Variants in HERC3 observed in about 807,000 individuals in gnomAD.
HERC3 encodes the protein probable E3 ubiquitin-protein ligase HERC3.
Under a neutral mutation model 129.9 loss-of-function variants are expected in HERC3, and 58 were observed. That is an observed-to-expected ratio of 0.45 (90% CI 0.36 to 0.56). The LOEUF (loss-of-function observed/expected upper bound fraction) is 0.56, where lower values mean the gene tolerates loss of function less well. Among genes scored for constraint, HERC3 ranks in the 20% least tolerant of loss-of-function variants. The pLI, the probability that HERC3 is intolerant of heterozygous loss-of-function variation, is 0.00. For missense variants in HERC3, 835 were observed against 1,244.2 expected (o/e 0.67, Z 4.95); for synonymous variants, 430 against 451.0 (o/e 0.95, Z 0.59).
In HERC3 at chr4:88,667,995, T is replaced by C; in HGVS notation, c.1547T>C (p.Leu516Pro). 6.2e-7 allele frequency: 1 copy of C among 1,613,000 alleles called. No homozygotes were observed. ...IYLILPEFPL[L>P]QDSKYYITLT... ...TTAATACTACCTGAGTTTCCCCTACTCCAGGATTCCAAGTATTATATAACA... is the reference window on the plus strand; with the variant it reads ...TTAATACTACCTGAGTTTCCCCTACCCCAGGATTCCAAGTATTATATAACA... The change falls in exon 14 of 26, where the codon CTC becomes CCC. Residue 516 changes from leucine (L) to proline (P), a missense_variant. Transcript: ENST00000402738.
At chr4:88,696,914 C>T (rs1734657023) in intron 23 of HERC3, 1 of 348,164 alleles carries the variant, frequency 2.9e-6, no homozygotes, top group East Asian at 4.6e-5. Context: ...TGCTAACACC[C>T]TTTGTAAACC....
In HERC3 at chr4:88,696,954, A is replaced by G. The variant is rs534835022; in HGVS notation, c.2658-7144A>G. On this transcript the variant is annotated intron_variant, in intron 23 of 25. Transcript: ENST00000402738. ...TCCTCAGAGAAGAGACCATGAAAAC[A>G]TAATTTTGGGTTTAATTCAGTTTTC... The G allele has an allele frequency of 1.2e-4, 48 of 413,512 alleles. No individual in the cohort carries two copies. The Middle Eastern group carries it at 1.8e-3, about 15-fold the overall frequency. 25.6% of individuals were successfully genotyped at this position (413,512 alleles called of 1,614,324 possible).
At chr4:88,578,805 A>G in the HERC3 span, among the ~76,000 whole-genome samples, 1 of 152,170 alleles carries the variant, frequency 6.6e-6, no homozygotes, top group Non-Finnish European at 1.5e-5. Flanking sequence ...GAGGCATGGG[A>G]AACGGAAATG....
rs1729453928 is a variant in HERC3, at chr4:88,652,954, G to A, written c.549G>A (p.Arg183=). The part of the protein sequence containing the change: ...KEFPSQASPQ[R]VRSLEGIPLA... ...TCCCCTCCCAAGCCAGCCCACAGAG[G>A]GTGAGGTCCCTGGAGGGGATCCCAC... The change falls in exon 6 of 26, where the codon AGG becomes AGA. Residue 183 remains arginine (R), a synonymous_variant. Transcript: ENST00000402738. The A allele has an allele frequency of 1.2e-6, 2 of 1,614,168 alleles. No individual in the cohort carries two copies. The highest frequency in any genetic ancestry group is 1.7e-6 in the Non-Finnish European group (2 of 1,180,030).
At chr4:88,555,978 T>G in the HERC3 span, among the ~76,000 whole-genome samples, 2 of 152,130 alleles carry the variant, frequency 1.3e-5, no homozygotes, top group Non-Finnish European at 2.9e-5. Flanking sequence ...AATGGATAAT[T>G]GGGTTGGATT....
chr4:88,649,263 T>C (rs1248822255), intron 3 of HERC3, among the ~76,000 whole-genome samples: 1 of 152,146 alleles, frequency 6.6e-6, no homozygotes, highest in Non-Finnish European at 1.5e-5. Flanking sequence ...AGACATTTCA[T>C]TGAGGGATGC....
In HERC3 at chr4:88,704,261, A is replaced by T; in HGVS notation, c.2821A>T (p.Asn941Tyr). 2 of 1,614,044 alleles carry T rather than the reference A, an allele frequency of 1.2e-6. No homozygotes were observed. Among genetic ancestry groups the T allele is most frequent in the Non-Finnish European group, 1.7e-6 (2 of 1,179,994 alleles). ...RAMMVGNSNY[N>Y]WEELEETAIY... ...TATGATGGTGGGGAACAGCAACTACAACTGGGAAGAACTGGAAGAGGTAAG... is the reference window on the plus strand; with the variant it reads ...TATGATGGTGGGGAACAGCAACTACTACTGGGAAGAACTGGAAGAGGTAAG... Residue 941 changes from asparagine to tyrosine, a missense_variant, in exon 24 of 26, where the codon AAC becomes TAC. Coordinates refer to ENST00000402738, the MANE Select transcript of HERC3 (RefSeq NM_014606.3).
chr4:88,610,059 T>G (rs1724122508), intron 3 of HERC3, among the ~76,000 whole-genome samples: 1 of 152,108 alleles, frequency 6.6e-6, no homozygotes, highest in Non-Finnish European at 1.5e-5. Flanking sequence ...CATTTTGGTT[T>G]TAGTGGGTTT....
At chr4:88,701,753 T>G (rs2924924) in intron 23 of HERC3, among the ~76,000 whole-genome samples, 54,896 of 151,328 alleles carry the variant, frequency 0.36, 10,891 homozygotes, top group East Asian at 0.53. Flanking sequence ...ATTTGATATG[T>G]TTTTTTTATG....
the HERC3 span, among the ~76,000 whole-genome samples, chr4:88,558,547 C>T: frequency 2.0e-5 from 3 of 152,150 alleles, no homozygotes; most frequent in African/African-American, 7.2e-5. Context: ...ATACTGGGTA[C>T]AGTGTACGCT....
rs113068851 is a variant in HERC3 at position 88,633,951 on chromosome 4, GGGCCGAGAT to G, written c.227-15882_227-15874del. ...TTAAATGGTCAATTCGAGGGGGGCG[GGGCCGAGAT>G]GGCCGATTGGAAGCTCCCATGGAAA... On this transcript the variant is annotated intron_variant, in intron 3 of 25. Coordinates refer to ENST00000402738, the MANE Select transcript of HERC3 (RefSeq NM_014606.3). Among the ~76,000 whole-genome samples, 461 of 152,324 alleles carry G rather than the reference GGGCCGAGAT, an allele frequency of 3.0e-3. 4 individuals carry two copies. The highest frequency in any genetic ancestry group is 0.01 in the African/African-American group (434 of 41,570).
chr4:88,681,154 A>C lies in HERC3; in HGVS notation c.2341-5A>C. 1 of 1,603,254 alleles carries C rather than the reference A, an allele frequency of 6.2e-7. No homozygotes were observed. The highest frequency in any genetic ancestry group is 8.5e-7 in the Non-Finnish European group (1 of 1,176,076). ...TTTTAACACATTTGTATGTGTCCTA[A>C]AAAGTGTTTTGTAGAGCACAACTGG... On this transcript the variant is annotated splice_region_variant and splice_polypyrimidine_tract_variant and intron_variant, in intron 20 of 25. Coordinates refer to ENST00000402738, the MANE Select transcript of HERC3 (RefSeq NM_014606.3).
chr4:88,704,399 T>G, intron 24 of HERC3, 109 bp from the exon 25 acceptor site: 1 of 1,224,518 alleles, frequency 8.2e-7, no homozygotes, highest in Non-Finnish European at 1.2e-6. Flanking sequence ...GATTTAGAGG[T>G]GTCCTGTATC....
At position 88,686,703 on chromosome 4, in the gene HERC3, G is replaced by A. The variant is rs1292384312; in HGVS notation, c.2508-33G>A. 2.1e-6 allele frequency: 3 copies of A among 1,452,016 alleles called. No homozygotes were observed. In the Admixed American group the frequency reaches 5.0e-5, roughly 24 times the overall value. The allele number at this position is 1,452,016 out of a possible 1,614,324, so 89.9% of individuals were successfully genotyped here. A position where few individuals can be genotyped will look rare whatever the true frequency, so the allele number is the denominator to read the frequency against. On this transcript the variant is annotated intron_variant, in intron 21 of 25. Coordinates refer to ENST00000402738, the MANE Select transcript of HERC3 (RefSeq NM_014606.3). ...ACACTGTTGCAGCAGTGTCTGACTT[G>A]CCACTTTTCCTTTTCTGTCATTCTA...
intron 23 of HERC3, among the ~76,000 whole-genome samples, chr4:88,701,893 C>T (rs536778704): frequency 7.3e-5 from 11 of 151,276 alleles, no homozygotes; most frequent in African/African-American, 2.7e-4. Flanking sequence ...GCCTTGACCT[C>T]CTGGGCTCAG....
At chr4:88,570,678 C>A in the HERC3 span, among the ~76,000 whole-genome samples, 1 of 152,144 alleles carries the variant, frequency 6.6e-6, no homozygotes, top group African/African-American at 2.4e-5. Context: ...TCACTTTGTG[C>A]CAGACATTTA....
chr4:88,655,070 G>A lies in HERC3; in HGVS notation c.778-104G>A, dbSNP rs1006031699. 12 of 1,117,436 alleles carry A rather than the reference G, an allele frequency of 1.1e-5. No individual in the cohort carries two copies. The African/African-American group carries it at 1.6e-4, about 15-fold the overall frequency. The allele number at this position is 1,117,436 out of a possible 1,614,324, so 69.2% of individuals were successfully genotyped here. A position where few individuals can be genotyped will look rare whatever the true frequency, so the allele number is the denominator to read the frequency against. ...GATTTTGGCCAAGTGTCAAGTGAAT[G>A]TAGTGCTCTTGTGCACATTGTTGTG... On this transcript the variant is annotated intron_variant, in intron 7 of 25. Transcript: ENST00000402738.
At chr4:88,634,620 C>A (rs1727157772) in intron 3 of HERC3, among the ~76,000 whole-genome samples, 1 of 151,796 alleles carries the variant, frequency 6.6e-6, no homozygotes, top group East Asian at 1.9e-4. Flanking sequence ...ACAGCACACC[C>A]CCTCCACCAA....
chr4:88,630,407 T>A (rs1201036599), intron 3 of HERC3, among the ~76,000 whole-genome samples: 1 of 152,216 alleles, frequency 6.6e-6, no homozygotes, highest in Non-Finnish European at 1.5e-5. Context: ...ATTTTGATTA[T>A]TACAGACATT....
Sources: allele counts gnomAD v4.1 joint callset (sites outside exome capture counted in the v4.1 genomes callset), GRCh38; gene constraint gnomAD v4.1.1; transcripts MANE v1.5; gene names NCBI Gene and HGNC (gene_info 2026-07-23, HGNC 2026-07-21).